ASB7: variants seen among roughly 807,000 people sequenced by gnomAD.
ASB7 encodes the protein ankyrin repeat and SOCS box containing 7, also known as ankyrin repeat and SOCS box protein 7.
Under a neutral mutation model 32.5 loss-of-function variants are expected in ASB7, and 4 were observed. That is an observed-to-expected ratio of 0.12 (90% CI 0.06 to 0.28). The LOEUF is 0.28. Among genes scored for constraint, ASB7 ranks in the 10% least tolerant of loss-of-function variants. ASB7 has a pLI of 1.00. For missense variants in ASB7, 181 were observed against 407.1 expected (o/e 0.44, Z 4.78); for synonymous variants, 172 against 155.6 (o/e 1.11, Z -0.78).
At chr15:100,604,927 G>C (rs892556375) in intron 2 of ASB7, among the ~76,000 whole-genome samples, 3 of 152,178 alleles carry the variant, frequency 2.0e-5, no homozygotes, top group Non-Finnish European at 4.4e-5. Flanking sequence ...ACTGTGTTTT[G>C]TATTCAAGCC....
At chr15:100,625,768 AACTT>A (rs2039831860) in intron 4 of ASB7, among the ~76,000 whole-genome samples, 5 of 152,226 alleles carry the variant, frequency 3.3e-5, no homozygotes, top group Admixed American at 3.3e-4. Context: ...CTGCTATTAA[AACTT>A]ACTATAAGCT....
At chr15:100,633,243 TAAAG>T (rs1304346296) in intron 5 of ASB7, among the ~76,000 whole-genome samples, 1 of 151,322 alleles carries the variant, frequency 6.6e-6, no homozygotes, top group Non-Finnish European at 1.5e-5. Flanking sequence ...ATGAATAAAT[TAAAG>T]AGAGAACAGT....
At chr15:100,637,820 G>A (rs2039934594) in intron 5 of ASB7, among the ~76,000 whole-genome samples, 1 of 152,196 alleles carries the variant, frequency 6.6e-6, no homozygotes, top group Non-Finnish European at 1.5e-5. Flanking sequence ...AAGACAGCAT[G>A]TTGTAACAGA....
At chr15:100,603,175 T>C (rs1873959) in intron 1 of ASB7, 40 bp from the exon 2 acceptor site, 387,284 of 392,084 alleles carry the variant, frequency 0.99, 191,345 homozygotes, top group Non-Finnish European at 1. Flanking sequence ...CCTCCCCACC[T>C]CTGAGACACT....
intron 5 of ASB7, among the ~76,000 whole-genome samples, chr15:100,630,906 C>T (rs1428944771): frequency 6.6e-6 from 1 of 152,084 alleles, no homozygotes; most frequent in Admixed American, 6.5e-5. Context: ...GTTCCTTTTT[C>T]CTCACTGGTT....
chr15:100,607,521 G>A (rs1873958), intron 2 of ASB7, among the ~76,000 whole-genome samples: 64,263 of 152,016 alleles, frequency 0.42, 13,749 homozygotes, highest in South Asian at 0.5. Flanking sequence ...TGTGCATGAC[G>A]TGTGTGTATG....
At chr15:100,626,212 G>A (rs1414443288) in intron 4 of ASB7, among the ~76,000 whole-genome samples, 3 of 152,060 alleles carry the variant, frequency 2.0e-5, no homozygotes, top group African/African-American at 7.2e-5. Flanking sequence ...AACAAACTAG[G>A]AGAAAATATT....
At chr15:100,637,149 G>GGCA (rs2039929424) in intron 5 of ASB7, among the ~76,000 whole-genome samples, 2 of 152,226 alleles carry the variant, frequency 1.3e-5, no homozygotes, top group African/African-American at 4.8e-5. Context: ...CGTACCAAAG[G>GGCA]GCAGTGATGA....
rs2040018666 is a variant in ASB7 at position 100,649,693 on chromosome 15, G to A, written c.*1231G>A. On this transcript the variant is annotated 3_prime_UTR_variant, in exon 6 of 6. Coordinates refer to ENST00000332783, the MANE Select transcript of ASB7 (RefSeq NM_198243.3). ...GGCATATGTTTGCCGTGTAAACACGGATATGATAAAGTGTCAGTAACAATG... is the reference window on the plus strand; with the variant it reads ...GGCATATGTTTGCCGTGTAAACACGAATATGATAAAGTGTCAGTAACAATG... The A allele has an allele frequency of 6.6e-6, 1 of 152,224 alleles. No individual in the cohort carries two copies. The highest frequency in any genetic ancestry group is 6.5e-5 in the Admixed American group (1 of 15,278). The allele number at this position is 152,224 out of a possible 1,614,324, so 9.4% of individuals were successfully genotyped here.
At chr15:100,634,931 CT>C (rs1291715921) in intron 5 of ASB7, among the ~76,000 whole-genome samples, 1 of 152,220 alleles carries the variant, frequency 6.6e-6, no homozygotes, top group Non-Finnish European at 1.5e-5. Flanking sequence ...TGGCTCCCTC[CT>C]GGAGAATGCC....
intron 4 of ASB7, among the ~76,000 whole-genome samples, chr15:100,616,740 T>A (rs2039747030): frequency 6.6e-6 from 1 of 152,244 alleles, no homozygotes; most frequent in Non-Finnish European, 1.5e-5. Flanking sequence ...ATTCAGAAAG[T>A]GTTTCACCCA....
intron 2 of ASB7, among the ~76,000 whole-genome samples, chr15:100,609,227 G>A (rs558085513): frequency 1.3e-5 from 2 of 152,246 alleles, no homozygotes; most frequent in Admixed American, 1.3e-4. Context: ...TGAAGAAAAT[G>A]CATTTAAAGA....
At chr15:100,630,715 T>G (rs1023350539) in intron 5 of ASB7, among the ~76,000 whole-genome samples, 1 of 152,192 alleles carries the variant, frequency 6.6e-6, no homozygotes, top group Non-Finnish European at 1.5e-5. Context: ...GCCCACTTTG[T>G]GTAGTAACGC....
At chr15:100,619,216 T>C (rs60819954) in intron 4 of ASB7, among the ~76,000 whole-genome samples, 12,266 of 152,226 alleles carry the variant, frequency 0.081, 651 homozygotes, top group South Asian at 0.12. Flanking sequence ...GTGGAATTAC[T>C]CCAACTCAGG....
intron 4 of ASB7, among the ~76,000 whole-genome samples, chr15:100,623,422 A>G (rs2039810440): frequency 6.6e-6 from 1 of 152,220 alleles, no homozygotes; most frequent in African/African-American, 2.4e-5. Context: ...AAAAGTGAGC[A>G]AAGGACACAA....
chr15:100,617,580 A>G (rs1472919764), intron 4 of ASB7, among the ~76,000 whole-genome samples: 1 of 152,196 alleles, frequency 6.6e-6, no homozygotes, highest in Non-Finnish European at 1.5e-5. Flanking sequence ...GGATCCTTGT[A>G]TATATCCAGA....
Position 100,602,644 on chromosome 15 carries a change from C to T in ASB7, c.-675C>T, listed in dbSNP as rs1204841000. 4.2e-6 allele frequency: 1 copy of T among 238,440 alleles called. No homozygotes were observed. Among genetic ancestry groups the T allele is most frequent in the Non-Finnish European group, 8.0e-6 (1 of 125,096 alleles). The allele number at this position is 238,440 out of a possible 1,614,324, so 14.8% of individuals were successfully genotyped here. The stretch of plus-strand genomic sequence containing the variant: ...GGGGGTGGCCCAGTGCAAAGTGCAT[C>T]CCGAAAGCCCCCTGTCCGGAGACCC... On this transcript the variant is annotated 5_prime_UTR_variant, in exon 1 of 6. Coordinates refer to ENST00000332783, the MANE Select transcript of ASB7 (RefSeq NM_198243.3).
At chr15:100,614,603 G>GA (rs956109294) in intron 4 of ASB7, among the ~76,000 whole-genome samples, 1 of 151,792 alleles carries the variant, frequency 6.6e-6, no homozygotes, top group African/African-American at 2.4e-5. Flanking sequence ...ATGGTGGGGG[G>GA]AAAAAAAGAA....
chr15:100,636,640 C>T (rs2039925115), intron 5 of ASB7, among the ~76,000 whole-genome samples: 1 of 152,198 alleles, frequency 6.6e-6, no homozygotes, highest in Non-Finnish European at 1.5e-5. Flanking sequence ...CTCTGAAAAA[C>T]AGGGGAATTG....
Sources: allele counts gnomAD v4.1 joint callset (sites outside exome capture counted in the v4.1 genomes callset), GRCh38; gene constraint gnomAD v4.1.1; transcripts MANE v1.5; gene names NCBI Gene and HGNC (gene_info 2026-07-23, HGNC 2026-07-21).